Variants in CUL9 observed in about 807,000 individuals in gnomAD.
CUL9 encodes the protein cullin 9.
Under a neutral mutation model 272.6 loss-of-function variants are expected in CUL9, and 79 were observed. The observed-to-expected ratio is 0.29, with a 90% confidence interval of 0.24 to 0.35. The LOEUF is 0.35. Among genes scored for constraint, CUL9 ranks in the 10% least tolerant of loss-of-function variants. The probability of loss-of-function intolerance (pLI) is 1.00; values close to 1 mark genes in which losing one functional copy is unlikely to be tolerated. For synonymous variants in CUL9, 1,186 were observed against 1,286.5 expected, an observed-to-expected ratio of 0.92 and a Z score of 1.67; for missense variants, 2,532 against 3,255.6, an observed-to-expected ratio of 0.78 and a Z score of 5.41.
In CUL9 at chr6:43,200,299, A is replaced by C; in HGVS notation, c.3385-137A>C. ...ACTTGTTTCCTAACCTTGACTCCACATGGTTCTGTCAAAATGTGGGGAGAG... is the reference window on the plus strand; with the variant it reads ...ACTTGTTTCCTAACCTTGACTCCACCTGGTTCTGTCAAAATGTGGGGAGAG... On this transcript the variant is annotated intron_variant, in intron 14 of 40. Transcript: ENST00000252050. This position sits in a 1 kb window ranked among gnomAD's most constrained non-coding sequence, Gnocchi z 4.0. 6.6e-7 allele frequency: 1 copy of C among 1,506,434 alleles called. No individual in the cohort carries two copies. The highest frequency in any genetic ancestry group is 1.2e-5 in the South Asian group (1 of 83,456). The allele number at this position is 1,506,434 out of a possible 1,614,324, so 93.3% of individuals were successfully genotyped here. A position where few individuals can be genotyped will look rare whatever the true frequency, so the allele number is the denominator to read the frequency against.
Position 43,200,071 on chromosome 6 carries a change from A to C in CUL9, c.3299A>C (p.Glu1100Ala). The change falls in exon 14 of 41, where the codon GAG becomes GCG. Residue 1100 changes from glutamate to alanine, a missense_variant. Glu to Ala is a moderately radical substitution (Grantham distance 107, BLOSUM62 -1). Around this residue, in one of 3 missense-constraint regions of CUL9, gnomAD observed 2,218 missense variants for 2,788.6 expected, o/e 0.80. Transcript: ENST00000252050. This position sits in a 1 kb window ranked among gnomAD's most constrained non-coding sequence, Gnocchi z 4.0. ...TCAGCTCAGCTGCTGCTGGGCTGTG[A>C]GCTTCGGGACCTGGTGACAGAGTGT... Reference protein sequence around the residue: ...KHSAQLLLGCELRDLVTECEK... With the variant: ...KHSAQLLLGCALRDLVTECEK... 1 of 1,614,214 alleles carries C rather than the reference A, an allele frequency of 6.2e-7. No homozygotes were observed. The highest frequency in any genetic ancestry group is 8.5e-7 in the Non-Finnish European group (1 of 1,180,040).
At chr6:43,198,406 A>G (rs1467143151) in intron 11 of CUL9, 12 of 984,134 alleles carry the variant, frequency 1.2e-5, no homozygotes, top group Non-Finnish European at 4.8e-6. Context: ...AGTGTTTGCT[A>G]TACTAGGTTT....
chr6:43,191,864 T>C (rs567692667), intron 8 of CUL9, among the ~76,000 whole-genome samples: 1 of 150,742 alleles, frequency 6.6e-6, no homozygotes, highest in Non-Finnish European at 1.5e-5. Context: ...GGATTACAGG[T>C]GTGTGTCACT....
chr6:43,203,604 C>G lies in CUL9; in HGVS notation c.4025+12C>G. ...CAGCTCTGTCCCAGGTGGGTGGGGC[C>G]TGAGGAGGGAAGATGGGTAAGGGAA... is the stretch of plus-strand genomic sequence containing the variant. On this transcript the variant is annotated intron_variant, in intron 19 of 40. Coordinates refer to ENST00000252050, the MANE Select transcript of CUL9 (RefSeq NM_015089.4). The surrounding 1 kb of genome is among the most constrained non-coding windows in gnomAD (Gnocchi z 5.0). 2.5e-6 allele frequency: 4 copies of G among 1,610,880 alleles called. No individual in the cohort carries two copies. The highest frequency in any genetic ancestry group is 3.4e-6 in the Non-Finnish European group (4 of 1,178,936).
rs376069463 is a variant in CUL9 at position 43,203,568 on chromosome 6, G to A, written c.4001G>A (p.Arg1334Gln). Residue 1334 changes from arginine (R) to glutamine (Q), a missense_variant, in exon 19 of 41, where the codon CGG (arginine) becomes CAG (glutamine). Physicochemically the swap from Arg to Gln is conservative, Grantham distance 43 (BLOSUM62 1). Transcript: ENST00000252050. This position sits in a 1 kb window ranked among gnomAD's most constrained non-coding sequence, Gnocchi z 5.0. ...AGCCGGGACATAGCAGAGGACCACC[G>A]GCGCCTCCTCCAGCTCTGTCCCAGG... is the stretch of plus-strand genomic sequence containing the variant. ...AWSRDIAEDH[R>Q]RLLQLCPRLN... 2.2e-5 allele frequency: 35 copies of A among 1,613,558 alleles called. No individual in the cohort carries two copies. The highest frequency in any genetic ancestry group is 1.7e-4 in the African/African-American group (13 of 74,996).
intron 8 of CUL9, among the ~76,000 whole-genome samples, chr6:43,189,754 G>A (rs193129560): frequency 3.9e-5 from 6 of 152,102 alleles, no homozygotes; most frequent in African/African-American, 9.6e-5. Context: ...TGTTGGCCAG[G>A]CTGGTCTCGA....
In CUL9 at chr6:43,200,920, C is replaced by T. The variant is rs1774469805; in HGVS notation, c.3647+86C>T. 3 of 1,540,224 alleles carry T rather than the reference C, an allele frequency of 1.9e-6. No individual in the cohort carries two copies. Among genetic ancestry groups the T allele is most frequent in the Non-Finnish European group, 2.7e-6 (3 of 1,120,978 alleles). ...GATACACACAACCCCAGCTATAACC[C>T]CAATGCCTGAGGGACACACTCAAAC... On this transcript the variant is annotated intron_variant, in intron 16 of 40. Coordinates refer to ENST00000252050, the MANE Select transcript of CUL9 (RefSeq NM_015089.4). This position sits in a 1 kb window ranked among gnomAD's most constrained non-coding sequence, Gnocchi z 4.0.
chr6:43,184,276 C>A lies in CUL9; in HGVS notation c.-9-26C>A, dbSNP rs570787430. The A allele has an allele frequency of 3.8e-5, 54 of 1,419,544 alleles. No homozygotes were observed. In the South Asian group the frequency reaches 6.6e-4, roughly 17 times the overall value. The allele number at this position is 1,419,544 out of a possible 1,614,324, so 87.9% of individuals were successfully genotyped here. ...TATTTTTTTTCTTTTCTCATACTGC[C>A]TTATCTTTCTCCTTGTGTATCCCAG... On this transcript the variant is annotated intron_variant, in intron 1 of 40. Coordinates refer to ENST00000252050, the MANE Select transcript of CUL9 (RefSeq NM_015089.4). This position sits in a 1 kb window ranked among gnomAD's most constrained non-coding sequence, Gnocchi z 4.8.
chr6:43,198,307 G>A, intron 11 of CUL9: 1 of 979,796 alleles, frequency 1.0e-6, no homozygotes, highest in Non-Finnish European at 1.2e-6. Context: ...GGTAGTACAG[G>A]GATATAATCA....
intron 8 of CUL9, among the ~76,000 whole-genome samples, chr6:43,191,252 TTGTGTGTGTGTGTGTGTG>T (rs58122260): frequency 7.9e-6 from 1 of 126,972 alleles, no homozygotes; most frequent in African/African-American, 3.2e-5. Flanking sequence ...CTAAATTGCA[TTGTGTGTGTGTGTGTGTG>T]TGTGTGTGTG....
In CUL9 at chr6:43,186,834, C is replaced by T. The variant is rs1772962395; in HGVS notation, c.1252-126C>T. ...CATATGGGGGTTTTTCCAGGCTTAG[C>T]CAGGTGTGTATCTGAGGGTGCGCCC... On this transcript the variant is annotated intron_variant, in intron 4 of 40. Transcript: ENST00000252050. 5 of 1,204,050 alleles carry T rather than the reference C, an allele frequency of 4.2e-6. No individual in the cohort carries two copies. The South Asian group carries it at 4.5e-5, about 11-fold the overall frequency. The allele number at this position is 1,204,050 out of a possible 1,614,324, so 74.6% of individuals were successfully genotyped here.
rs567958115 is a variant in CUL9, at chr6:43,221,863, C to G, written c.6846+85C>G. On this transcript the variant is annotated intron_variant, in intron 35 of 40. Transcript: ENST00000252050. The surrounding 1 kb of genome is among the most constrained non-coding windows in gnomAD (Gnocchi z 4.2). The stretch of plus-strand genomic sequence containing the variant: ...TACCAGGTCCTGGGCAGACAGGGCT[C>G]CTTGTGCAGTGCAGCATTCTAGCTG... 3 of 1,180,316 alleles carry G rather than the reference C, an allele frequency of 2.5e-6. No individual in the cohort carries two copies. The South Asian group carries it at 3.9e-5, about 15-fold the overall frequency. 73.1% of individuals were successfully genotyped at this position (1,180,316 alleles called of 1,614,324 possible). A position where few individuals can be genotyped will look rare whatever the true frequency, so the allele number is the denominator to read the frequency against.
At chr6:43,214,956 G>A in intron 29 of CUL9, 123 bp from the exon 30 acceptor site, 2 of 1,170,466 alleles carry the variant, frequency 1.7e-6, no homozygotes, top group South Asian at 3.1e-5. Flanking sequence ...TGGCCTGGGT[G>A]ACAGAGCAAG....
intron 26 of CUL9, among the ~76,000 whole-genome samples, chr6:43,210,735 AAATT>A (rs1285910894): frequency 6.6e-6 from 1 of 152,148 alleles, no homozygotes; most frequent in East Asian, 1.9e-4. Flanking sequence ...AATTCATAAT[AAATT>A]CATAAATAAT....
rs374118842 is a variant in CUL9 at position 43,184,688 on chromosome 6, G to A, written c.378G>A (p.Ala126=). The change falls in exon 2 of 41, where the codon GCG becomes GCA. Residue 126 remains alanine (A), a synonymous_variant. Transcript: ENST00000252050. This position sits in a 1 kb window ranked among gnomAD's most constrained non-coding sequence, Gnocchi z 4.8. Reference sequence around the variant, plus strand: ...ATGTTCAGGCGCTGGTACGCAGGGCGGCCAGGCAGCTGGCAGAAAGTGGGA... The same window carrying A: ...ATGTTCAGGCGCTGGTACGCAGGGCAGCCAGGCAGCTGGCAGAAAGTGGGA... The part of the protein sequence containing the change: ...EADVQALVRR[A]ARQLAESGTP... The A allele has an allele frequency of 2.9e-5, 46 of 1,612,992 alleles. No homozygotes were observed. The highest frequency in any genetic ancestry group is 1.2e-4 in the African/African-American group (9 of 75,052).
At chr6:43,185,331 T>C in intron 2 of CUL9, 125 bp from the exon 3 acceptor site, 1 of 912,698 alleles carries the variant, frequency 1.1e-6, no homozygotes, top group Non-Finnish European at 1.7e-6. Flanking sequence ...ATGTAAAATG[T>C]ATTTCTTTCT....
In CUL9 at chr6:43,185,619, C is replaced by G. The variant is rs775103009; in HGVS notation, c.750+9C>G. 1.9e-6 allele frequency: 3 copies of G among 1,608,792 alleles called. No individual in the cohort carries two copies. The Admixed American group carries it at 5.0e-5, about 27-fold the overall frequency. The stretch of plus-strand genomic sequence containing the variant: ...GCATTCATCTGCCTCAGGTACACTG[C>G]CAGCTGTAGGGAAATGCTGTGTACA... On this transcript the variant is annotated intron_variant, in intron 3 of 40. Transcript: ENST00000252050.
Position 43,200,508 on chromosome 6 carries a change from C to T in CUL9, c.3457C>T (p.Leu1153Phe). 6.2e-7 allele frequency: 1 copy of T among 1,614,178 alleles called. No individual in the cohort carries two copies. Among genetic ancestry groups the T allele is most frequent in the Non-Finnish European group, 8.5e-7 (1 of 1,180,034 alleles). Residue 1153 changes from leucine (L) to phenylalanine (F), a missense_variant, in exon 15 of 41, where the codon CTC (leucine) becomes TTC (phenylalanine). Leu to Phe is a conservative substitution (Grantham distance 22). Coordinates refer to ENST00000252050, the MANE Select transcript of CUL9 (RefSeq NM_015089.4). This position sits in a 1 kb window ranked among gnomAD's most constrained non-coding sequence, Gnocchi z 4.0. ...PINIPFFDVF[L>F]RHLCQGSSVE... ...CAATATCCCCTTCTTTGATGTGTTC[C>T]TCAGGCATCTCTGCCAGGGTTAGTG...
Position 43,203,404 on chromosome 6 carries a change from G to A in CUL9, c.3850-13G>A, listed in dbSNP as rs200803031. ...AGCGGCTTGGGTGACAGATAAGTCT[G>A]TGCATGTTCCAGGGCGGCATTGACA... On this transcript the variant is annotated splice_polypyrimidine_tract_variant and intron_variant, in intron 18 of 40. Coordinates refer to ENST00000252050, the MANE Select transcript of CUL9 (RefSeq NM_015089.4). This position sits in a 1 kb window ranked among gnomAD's most constrained non-coding sequence, Gnocchi z 5.0. The A allele has an allele frequency of 3.5e-5, 57 of 1,613,498 alleles. No homozygotes were observed. The highest frequency in any genetic ancestry group is 4.7e-5 in the Non-Finnish European group (56 of 1,179,790).
Sources: allele counts gnomAD v4.1 joint callset (sites outside exome capture counted in the v4.1 genomes callset), GRCh38; gene constraint gnomAD v4.1.1; regional missense constraint gnomAD v4.1.1; non-coding constraint Gnocchi (gnomAD v3.1); transcripts MANE v1.5; gene names NCBI Gene and HGNC (gene_info 2026-07-23, HGNC 2026-07-21).